NTNG1: variants seen among roughly 807,000 people sequenced by gnomAD.
NTNG1 encodes netrin-G1.
NTNG1 carries 16 observed loss-of-function variants against 54.0 expected under a neutral mutation model. The observed-to-expected ratio is 0.30, with a 90% CI of 0.20 to 0.45. The LOEUF is 0.45. NTNG1 is among the 20% of genes least tolerant of loss of function. The pLI is 1.00. For missense variants in NTNG1, 530 were observed against 678.7 expected (o/e 0.78, Z 2.43); for synonymous variants, 255 against 263.1 (o/e 0.97, Z 0.30).
At chr1:107,161,677 A>G (rs541938987) in intron 2 of NTNG1, among the ~76,000 whole-genome samples, 9 of 151,926 alleles carry the variant, frequency 5.9e-5, no homozygotes, top group Admixed American at 2.6e-4. Flanking sequence ...AAAAAAAGAA[A>G]AAAAGAAAAA....
intron 7 of NTNG1, among the ~76,000 whole-genome samples, chr1:107,470,196 T>C (rs1035058427): frequency 1.3e-5 from 2 of 152,216 alleles, no homozygotes; most frequent in Admixed American, 1.3e-4. Context: ...ACTAGAAATA[T>C]GTATTAGTAA....
chr1:107,219,567 G>A (rs1660206397), intron 2 of NTNG1, among the ~76,000 whole-genome samples: 1 of 152,158 alleles, frequency 6.6e-6, no homozygotes, highest in Non-Finnish European at 1.5e-5. Flanking sequence ...TAGGACTTAA[G>A]GGCTGCTGTT....
intron 7 of NTNG1, among the ~76,000 whole-genome samples, chr1:107,473,417 C>T (rs1344430026): frequency 2.0e-5 from 3 of 152,154 alleles, no homozygotes; most frequent in African/African-American, 7.2e-5. Context: ...AGTGGCAACA[C>T]CAAGTCCTGG....
chr1:107,249,075 C>T (rs899059125), intron 2 of NTNG1, among the ~76,000 whole-genome samples: 3 of 151,274 alleles, frequency 2.0e-5, no homozygotes, highest in Non-Finnish European at 4.4e-5. Context: ...AGGAGAATCA[C>T]TTGAACCCGG....
chr1:107,236,785 C>T (rs530552920), intron 2 of NTNG1, among the ~76,000 whole-genome samples: 99 of 152,210 alleles, frequency 6.5e-4, no homozygotes, highest in Non-Finnish European at 1.1e-3. Context: ...CTGCCATCCC[C>T]GTAAGATGTG....
intron 2 of NTNG1, among the ~76,000 whole-genome samples, chr1:107,287,359 C>T (rs771042105): frequency 2.6e-5 from 4 of 152,150 alleles, no homozygotes; most frequent in Admixed American, 2.0e-4. Context: ...CACAGAATAC[C>T]GGTTACATGG....
At chr1:107,475,221 G>A (rs1171847793) in intron 7 of NTNG1, among the ~76,000 whole-genome samples, 1 of 152,200 alleles carries the variant, frequency 6.6e-6, no homozygotes, top group Non-Finnish European at 1.5e-5. Flanking sequence ...AGTCAGCTAT[G>A]TTTTGAGGAG....
At chr1:107,225,082 A>G (rs4244124) in intron 2 of NTNG1, among the ~76,000 whole-genome samples, 151,436 of 152,248 alleles carry the variant, frequency 0.99, 75,321 homozygotes, top group East Asian at 1. Flanking sequence ...TTACTTGTCC[A>G]TATACCCAGA....
intron 2 of NTNG1, among the ~76,000 whole-genome samples, chr1:107,280,269 G>A (rs1004069863): frequency 3.1e-4 from 43 of 137,406 alleles, no homozygotes; most frequent in African/African-American, 9.6e-4. Context: ...TCTGACAATC[G>A]CTTATTCTGT....
chr1:107,161,089 C>A (rs976462043), intron 2 of NTNG1, among the ~76,000 whole-genome samples: 1 of 152,138 alleles, frequency 6.6e-6, no homozygotes, highest in African/African-American at 2.4e-5. Flanking sequence ...CTTTTCCCCT[C>A]CAGAATACAA....
intron 2 of NTNG1, among the ~76,000 whole-genome samples, chr1:107,292,496 A>G (rs1225520067): frequency 1.3e-5 from 2 of 152,116 alleles, no homozygotes; most frequent in Non-Finnish European, 2.9e-5. Flanking sequence ...GGTCTCTCTG[A>G]AATAATAATT....
chr1:107,263,940 T>TA (rs1056763921), intron 2 of NTNG1, among the ~76,000 whole-genome samples: 11 of 152,180 alleles, frequency 7.2e-5, no homozygotes, highest in East Asian at 1.9e-4. Context: ...TTCCTATCTT[T>TA]AAAAAAAATG....
chr1:107,239,279 A>C (rs1661647514), intron 2 of NTNG1, among the ~76,000 whole-genome samples: 1 of 152,216 alleles, frequency 6.6e-6, no homozygotes, highest in Non-Finnish European at 1.5e-5. Flanking sequence ...AAATTTAATG[A>C]ATATTTTATA....
chr1:107,219,393 A>G (rs1406220725), intron 2 of NTNG1, among the ~76,000 whole-genome samples: 1 of 152,138 alleles, frequency 6.6e-6, no homozygotes, highest in Non-Finnish European at 1.5e-5. Context: ...TTAATAGTCA[A>G]CATTCTGAAT....
chr1:107,251,037 G>C (rs1369441135), intron 2 of NTNG1, among the ~76,000 whole-genome samples: 1 of 152,084 alleles, frequency 6.6e-6, no homozygotes, highest in Non-Finnish European at 1.5e-5. Context: ...TAAATTTTAA[G>C]AACAAAATGT....
At chr1:107,435,977 T>G (rs1675570425) in intron 6 of NTNG1, among the ~76,000 whole-genome samples, 1 of 152,208 alleles carries the variant, frequency 6.6e-6, no homozygotes, top group African/African-American at 2.4e-5. Context: ...TGTGCAAAGC[T>G]GTATTGTCCT....
chr1:107,201,020 G>T (rs1282779871), intron 2 of NTNG1, among the ~76,000 whole-genome samples: 1 of 151,606 alleles, frequency 6.6e-6, no homozygotes, highest in Non-Finnish European at 1.5e-5. Flanking sequence ...ACGCAATTTT[G>T]GGTACTGTAA....
intron 2 of NTNG1, among the ~76,000 whole-genome samples, chr1:107,161,568 C>T (rs936922992): frequency 1.3e-5 from 2 of 150,732 alleles, no homozygotes; most frequent in Non-Finnish European, 3.0e-5. Context: ...GGCTGAGGTA[C>T]GAGAATCACT....
intron 2 of NTNG1, among the ~76,000 whole-genome samples, chr1:107,296,752 A>G (rs1386101869): frequency 6.7e-6 from 1 of 148,236 alleles, no homozygotes; most frequent in Non-Finnish European, 1.5e-5. Context: ...TTATATATGT[A>G]TCATTCCAGT....
Sources: gnomAD v4.1 joint callset for allele counts (sites outside exome capture counted in the v4.1 genomes callset) on GRCh38, gnomAD v4.1.1 for gene constraint, MANE v1.5 for transcripts, NCBI Gene and HGNC (gene_info 2026-07-23, HGNC 2026-07-21) for gene names.